Variants in ADGRB3 observed in about 807,000 individuals in gnomAD.
The protein encoded by ADGRB3 is adhesion G protein-coupled receptor B3.
ADGRB3 carries 37 observed loss-of-function variants against 193.4 expected under a neutral mutation model. The observed-to-expected ratio is 0.19, with a 90% CI of 0.15 to 0.25. ADGRB3 has a LOEUF of 0.25. Among genes scored for constraint, ADGRB3 ranks in the 10% least tolerant of loss-of-function variants. ADGRB3 has a pLI of 1.00. For synonymous variants in ADGRB3, 690 were observed against 644.2 expected (o/e 1.07, Z -1.08); for missense variants, 1,637 against 1,852.9 (o/e 0.88, Z 2.14).
At chr6:68,835,522 A>G (rs1768029515) in intron 3 of ADGRB3, among the ~76,000 whole-genome samples, 1 of 152,130 alleles carries the variant, frequency 6.6e-6, no homozygotes, top group Non-Finnish European at 1.5e-5. Context: ...GAACTAAGTT[A>G]CACCCCAAAC....
chr6:69,236,572 C>T (rs188828202), intron 19 of ADGRB3, among the ~76,000 whole-genome samples: 247 of 152,074 alleles, frequency 1.6e-3, no homozygotes, highest in Middle Eastern at 3.4e-3. Flanking sequence ...AATTAGGCAG[C>T]ATTTAAAGAC....
intron 17 of ADGRB3, among the ~76,000 whole-genome samples, chr6:69,217,112 A>G (rs532733270): frequency 6.6e-6 from 1 of 152,298 alleles, no homozygotes; most frequent in East Asian, 1.9e-4. Context: ...AATGAATGTG[A>G]GAAAAGGGAC....
At chr6:69,322,764 C>G (rs945278911) in intron 20 of ADGRB3, among the ~76,000 whole-genome samples, 3 of 151,844 alleles carry the variant, frequency 2.0e-5, no homozygotes, top group Non-Finnish European at 2.9e-5. Flanking sequence ...CGACTTAAAC[C>G]TCTTTAGTCC....
At chr6:68,718,225 T>C (rs1466734419) in intron 3 of ADGRB3, among the ~76,000 whole-genome samples, 1 of 151,702 alleles carries the variant, frequency 6.6e-6, no homozygotes, top group African/African-American at 2.4e-5. Context: ...TGTTCGTGTG[T>C]TCAGAGTCAT....
chr6:69,093,536 G>A (rs1378119911), intron 17 of ADGRB3, among the ~76,000 whole-genome samples: 1 of 151,842 alleles, frequency 6.6e-6, no homozygotes, highest in Non-Finnish European at 1.5e-5. Context: ...GGGGGATATG[G>A]GGTTGGGCAG....
At chr6:68,765,713 A>T (rs537118228) in intron 3 of ADGRB3, among the ~76,000 whole-genome samples, 1 of 152,182 alleles carries the variant, frequency 6.6e-6, no homozygotes, top group East Asian at 1.9e-4. Flanking sequence ...ATGTGATACT[A>T]TGCCTAGTCC....
At chr6:69,182,068 G>A (rs1775598770) in intron 17 of ADGRB3, among the ~76,000 whole-genome samples, 3 of 152,060 alleles carry the variant, frequency 2.0e-5, no homozygotes, top group Admixed American at 2.0e-4. Flanking sequence ...TGGAAATATG[G>A]CCAAAAAAAT....
intron 3 of ADGRB3, among the ~76,000 whole-genome samples, chr6:68,863,701 A>G (rs956537058): frequency 6.6e-6 from 1 of 152,182 alleles, no homozygotes; most frequent in Non-Finnish European, 1.5e-5. Flanking sequence ...GACTACTTAG[A>G]GAATGGCTTT....
At chr6:69,112,989 A>G (rs1478793458) in intron 17 of ADGRB3, among the ~76,000 whole-genome samples, 7 of 152,112 alleles carry the variant, frequency 4.6e-5, no homozygotes, top group African/African-American at 1.7e-4. Context: ...AACTCCTGAC[A>G]TCAGGTGGTC....
chr6:68,707,558 A>T (rs922895364), intron 3 of ADGRB3, among the ~76,000 whole-genome samples: 2 of 152,182 alleles, frequency 1.3e-5, no homozygotes, highest in Admixed American at 1.3e-4. Flanking sequence ...ACATAATCCA[A>T]TCAAATGGGC....
At chr6:68,820,799 T>A (rs1392929331) in intron 3 of ADGRB3, among the ~76,000 whole-genome samples, 1 of 152,074 alleles carries the variant, frequency 6.6e-6, no homozygotes, top group East Asian at 1.9e-4. Flanking sequence ...TTTTTTAGAA[T>A]CTTTTGTGTG....
chr6:69,356,717 G>A (rs1244567909), intron 28 of ADGRB3, among the ~76,000 whole-genome samples: 1 of 152,088 alleles, frequency 6.6e-6, no homozygotes, highest in African/African-American at 2.4e-5. Flanking sequence ...GAATTGCATT[G>A]TCTGTATGTG....
chr6:69,173,508 CAGT>C (rs758065272), intron 17 of ADGRB3, among the ~76,000 whole-genome samples: 3 of 152,046 alleles, frequency 2.0e-5, no homozygotes, highest in Non-Finnish European at 2.9e-5. Context: ...AAATTATTTG[CAGT>C]AGTCTAAATG....
intron 3 of ADGRB3, among the ~76,000 whole-genome samples, chr6:68,890,686 C>CA (rs1486693684): frequency 6.6e-6 from 1 of 151,736 alleles, no homozygotes; most frequent in Non-Finnish European, 1.5e-5. Flanking sequence ...GTTGTAAACT[C>CA]AAAAAACAAA....
intron 3 of ADGRB3, among the ~76,000 whole-genome samples, chr6:68,665,332 A>G (rs947914859): frequency 3.3e-5 from 5 of 151,746 alleles, no homozygotes; most frequent in Admixed American, 6.6e-5. Flanking sequence ...CTTTCTCTTT[A>G]TATTTGTTTT....
chr6:69,090,195 T>C (rs1425547130), intron 17 of ADGRB3, among the ~76,000 whole-genome samples: 1 of 152,226 alleles, frequency 6.6e-6, no homozygotes, highest in Non-Finnish European at 1.5e-5. Context: ...ATATTACATG[T>C]ATTTCAGTTA....
chr6:69,266,530 T>A (rs1177982076), intron 20 of ADGRB3, among the ~76,000 whole-genome samples: 1 of 152,080 alleles, frequency 6.6e-6, no homozygotes, highest in Non-Finnish European at 1.5e-5. Flanking sequence ...GAGCCATTTG[T>A]ACTATTTATT....
chr6:69,156,862 C>G (rs917128555), intron 17 of ADGRB3, among the ~76,000 whole-genome samples: 38 of 152,126 alleles, frequency 2.5e-4, no homozygotes, highest in African/African-American at 9.2e-4. Context: ...AATGAAGAAA[C>G]TAAACCTCAG....
At chr6:68,996,853 T>C (rs1477017016) in intron 11 of ADGRB3, among the ~76,000 whole-genome samples, 1 of 152,180 alleles carries the variant, frequency 6.6e-6, no homozygotes. Context: ...AGATTTCACA[T>C]AGAATCCTGT....
Sources: gnomAD v4.1 joint callset for allele counts (sites outside exome capture counted in the v4.1 genomes callset) on GRCh38, gnomAD v4.1.1 for gene constraint, MANE v1.5 for transcripts, NCBI Gene and HGNC (gene_info 2026-07-23, HGNC 2026-07-21) for gene names.